CTNNA2: variants seen among roughly 807,000 people sequenced by gnomAD.
CTNNA2 encodes the protein catenin alpha 2.
In CTNNA2, 42 loss-of-function variants were observed where a neutral mutation model predicts 101.0. That is an observed-to-expected ratio of 0.42 (90% CI 0.32 to 0.54). The LOEUF (loss-of-function observed/expected upper bound fraction) is 0.54, where lower values mean the gene tolerates loss of function less well. Ranked by LOEUF, CTNNA2 falls within the 20% of genes least tolerant of loss-of-function variation. The pLI is 0.14. For synonymous variants in CTNNA2, 450 were observed against 456.4 expected (o/e 0.99, Z 0.18); for missense variants, 871 against 1,223.1 (o/e 0.71, Z 4.29).
At chr2:80,624,652 AT>A (rs1024459995) in intron 18 of CTNNA2, among the ~76,000 whole-genome samples, 1 of 151,196 alleles carries the variant, frequency 6.6e-6, no homozygotes, top group Non-Finnish European at 1.5e-5. Flanking sequence ...TTCTGTATTT[AT>A]TTTTTTTATT....
At chr2:80,450,257 T>G (rs1683390300) in intron 9 of CTNNA2, among the ~76,000 whole-genome samples, 1 of 152,118 alleles carries the variant, frequency 6.6e-6, no homozygotes, top group Admixed American at 6.6e-5. Context: ...GCATTGTAAA[T>G]CCCTGTATGA....
At chr2:80,332,420 G>C (rs35236425) in intron 7 of CTNNA2, among the ~76,000 whole-genome samples, 1 of 152,252 alleles carries the variant, frequency 6.6e-6, no homozygotes, top group East Asian at 1.9e-4. Context: ...CCTTAATTTA[G>C]GAAGGTCTGC....
chr2:80,571,229 C>T (rs1163240805), intron 12 of CTNNA2, among the ~76,000 whole-genome samples: 1 of 152,116 alleles, frequency 6.6e-6, no homozygotes, highest in Non-Finnish European at 1.5e-5. Context: ...CATTTTCCCA[C>T]TCAACTTCTT....
At chr2:80,111,264 T>A (rs1017060858) in intron 7 of CTNNA2, among the ~76,000 whole-genome samples, 1 of 152,226 alleles carries the variant, frequency 6.6e-6, no homozygotes, top group Non-Finnish European at 1.5e-5. Flanking sequence ...TTCTACATTC[T>A]GTTTTATTAT....
At chr2:80,588,260 C>T (rs529212983) in intron 14 of CTNNA2, among the ~76,000 whole-genome samples, 1 of 152,302 alleles carries the variant, frequency 6.6e-6, no homozygotes. Context: ...AGACGCACTT[C>T]AGCACCATGC....
intron 2 of CTNNA2, among the ~76,000 whole-genome samples, chr2:79,662,935 T>C (rs1682139775): frequency 6.6e-6 from 1 of 152,214 alleles, no homozygotes; most frequent in African/African-American, 2.4e-5. Context: ...TTTCCTGGCC[T>C]AGCCTTTAAA....
chr2:79,691,404 A>G (rs1684288772), intron 2 of CTNNA2, among the ~76,000 whole-genome samples: 1 of 152,026 alleles, frequency 6.6e-6, no homozygotes, highest in African/African-American at 2.4e-5. Flanking sequence ...TTCTGCAAAG[A>G]ATGAATAGTA....
intron 7 of CTNNA2, among the ~76,000 whole-genome samples, chr2:80,036,645 A>C (rs369019853): frequency 6.6e-6 from 1 of 152,044 alleles, no homozygotes; most frequent in East Asian, 1.9e-4. Context: ...AAATAGAAAC[A>C]CTCAAGGAGA....
chr2:79,915,756 GTTTA>G (rs1686155073), intron 7 of CTNNA2, among the ~76,000 whole-genome samples: 1 of 152,000 alleles, frequency 6.6e-6, no homozygotes, highest in African/African-American at 2.4e-5. Flanking sequence ...ATAATCTTAT[GTTTA>G]TTTATATTCA....
intron 7 of CTNNA2, among the ~76,000 whole-genome samples, chr2:79,992,740 T>G (rs1001308676): frequency 6.6e-6 from 1 of 152,334 alleles, no homozygotes; most frequent in African/African-American, 2.4e-5. Context: ...TACTTGTAGC[T>G]TCTAAGATTA....
At chr2:80,326,658 AG>A (rs1670832321) in intron 7 of CTNNA2, among the ~76,000 whole-genome samples, 3 of 151,036 alleles carry the variant, frequency 2.0e-5, no homozygotes, top group South Asian at 2.1e-4. Context: ...TTTTAAAAAA[AG>A]AGAGGGGGAG....
At chr2:80,363,120 T>C (rs1388943528) in intron 7 of CTNNA2, among the ~76,000 whole-genome samples, 1 of 152,096 alleles carries the variant, frequency 6.6e-6, no homozygotes, top group East Asian at 1.9e-4. Context: ...TAAATAATTA[T>C]TTTGGTTTAA....
At chr2:79,686,428 T>TA (rs2104672553) in intron 2 of CTNNA2, among the ~76,000 whole-genome samples, 1 of 152,302 alleles carries the variant, frequency 6.6e-6, no homozygotes, top group African/African-American at 2.4e-5. Flanking sequence ...CAATACACCT[T>TA]AATGTGGTTT....
At chr2:80,431,367 G>T (rs1681493291) in intron 9 of CTNNA2, among the ~76,000 whole-genome samples, 1 of 152,124 alleles carries the variant, frequency 6.6e-6, no homozygotes, top group African/African-American at 2.4e-5. Flanking sequence ...ACTGCTGTGT[G>T]TGTGGACAGA....
intron 1 of CTNNA2, among the ~76,000 whole-genome samples, chr2:79,645,475 T>A (rs915571654): frequency 1.3e-5 from 2 of 152,214 alleles, no homozygotes; most frequent in Admixed American, 1.3e-4. Flanking sequence ...AGGGGAGAAA[T>A]TTAAAGAAAA....
intron 11 of CTNNA2, among the ~76,000 whole-genome samples, chr2:80,552,828 T>C (rs1692693035): frequency 6.6e-6 from 1 of 152,174 alleles, no homozygotes; most frequent in Non-Finnish European, 1.5e-5. Context: ...TGACATAATC[T>C]TATGGGACTA....
intron 9 of CTNNA2, among the ~76,000 whole-genome samples, chr2:80,499,292 C>T (rs1037241838): frequency 2.0e-5 from 3 of 152,176 alleles, no homozygotes; most frequent in Non-Finnish European, 4.4e-5. Flanking sequence ...ATGGTGCCCC[C>T]TGGTGATGTG....
intron 7 of CTNNA2, among the ~76,000 whole-genome samples, chr2:79,932,926 C>T (rs968176241): frequency 3.9e-5 from 6 of 152,180 alleles, no homozygotes; most frequent in African/African-American, 1.4e-4. Context: ...TGCATTGATC[C>T]TGTTGATCCC....
chr2:79,214,447 G>C (rs1057083523), intron 2 of CTNNA2, among the ~76,000 whole-genome samples: 1 of 152,160 alleles, frequency 6.6e-6, no homozygotes, highest in African/African-American at 2.4e-5. Flanking sequence ...CTGGTTCTAG[G>C]ACAGGTAAAA....
Sources: gnomAD v4.1 joint callset for allele counts (sites outside exome capture counted in the v4.1 genomes callset) on GRCh38, gnomAD v4.1.1 for gene constraint, MANE v1.5 for transcripts, NCBI Gene and HGNC (gene_info 2026-07-23, HGNC 2026-07-21) for gene names.